Variants in PALM2AKAP2 observed in about 807,000 individuals in gnomAD.
PALM2AKAP2 encodes the protein PALM2 and AKAP2 fusion.
PALM2AKAP2 carries 37 observed loss-of-function variants against 71.5 expected under a neutral mutation model. The observed-to-expected ratio is 0.52, with a 90% CI of 0.40 to 0.68. The LOEUF (loss-of-function observed/expected upper bound fraction) is 0.68, where lower values mean the gene tolerates loss of function less well. Ranked by LOEUF, PALM2AKAP2 falls within the 30% of genes least tolerant of loss-of-function variation. The probability of loss-of-function intolerance (pLI) is 0.00; values close to 1 mark genes in which losing one functional copy is unlikely to be tolerated. For synonymous variants in PALM2AKAP2, 468 were observed against 478.8 expected, an observed-to-expected ratio of 0.98 and a Z score of 0.29; for missense variants, 1,224 against 1,191.8, an observed-to-expected ratio of 1.03 and a Z score of -0.40.
chr9:109,681,286 T>G (rs1827729031), intron 1 of PALM2AKAP2, among the ~76,000 whole-genome samples: 1 of 152,234 alleles, frequency 6.6e-6, no homozygotes, highest in Non-Finnish European at 1.5e-5. Flanking sequence ...AAGAGAGAGC[T>G]CTCATGAATT....
chr9:110,038,506 C>T (rs562989002), intron 7 of PALM2AKAP2, among the ~76,000 whole-genome samples: 2 of 152,110 alleles, frequency 1.3e-5, no homozygotes, highest in South Asian at 4.2e-4. Context: ...GGAGAAATGA[C>T]CACTGGGTTT....
chr9:110,152,353 C>T (rs1430149982), intron 2 of PALM2AKAP2, among the ~76,000 whole-genome samples: 2 of 152,172 alleles, frequency 1.3e-5, no homozygotes, highest in Non-Finnish European at 2.9e-5. Context: ...TGAATCATTA[C>T]AGGTGAATAA....
intron 1 of PALM2AKAP2, among the ~76,000 whole-genome samples, chr9:109,658,671 G>A (rs569937727): frequency 5.9e-5 from 9 of 152,220 alleles, no homozygotes; most frequent in Middle Eastern, 3.4e-3. Context: ...CATGGTGGAG[G>A]GCAAAAGGCA....
At chr9:109,752,126 G>A (rs1016766231) in intron 1 of PALM2AKAP2, among the ~76,000 whole-genome samples, 1 of 152,074 alleles carries the variant, frequency 6.6e-6, no homozygotes, top group Non-Finnish European at 1.5e-5. Flanking sequence ...CATATCTCTT[G>A]GTGGAGGTGG....
intron 1 of PALM2AKAP2, among the ~76,000 whole-genome samples, chr9:109,811,496 A>AT (rs1564159659): frequency 6.6e-6 from 1 of 152,192 alleles, no homozygotes; most frequent in African/African-American, 2.4e-5. Context: ...GTTAAAAAAA[A>AT]TAGTACATTT....
At chr9:109,706,616 T>C (rs528034485) in intron 1 of PALM2AKAP2, among the ~76,000 whole-genome samples, 1 of 152,324 alleles carries the variant, frequency 6.6e-6, no homozygotes, top group East Asian at 1.9e-4. Flanking sequence ...CAAATGTTCA[T>C]AGCAGCATTA....
intron 3 of PALM2AKAP2, among the ~76,000 whole-genome samples, chr9:109,897,397 T>A (rs1344076857): frequency 6.6e-6 from 1 of 152,046 alleles, no homozygotes; most frequent in South Asian, 2.1e-4. Flanking sequence ...CTGGCTAAGA[T>A]GGTGAAACCC....
Position 109,880,683 on chromosome 9 carries a change from T to C in PALM2AKAP2, c.257+2T>C, listed in dbSNP as rs1829826857. On this transcript the variant is annotated splice_donor_variant, in intron 3 of 9. Transcript: ENST00000302798. LOFTEE classifies it high-confidence loss of function. The stretch of plus-strand genomic sequence containing the variant: ...GCAACTTGAAGATAACATTCAGAGG[T>C]AGGTGGCTTCCAGCCCAGGGAACCC... The C allele has an allele frequency of 4.3e-6, 7 of 1,613,446 alleles. No individual in the cohort carries two copies. In the South Asian group the frequency reaches 7.7e-5, roughly 18 times the overall value.
chr9:109,936,086 G>A (rs1447048750), intron 6 of PALM2AKAP2, among the ~76,000 whole-genome samples: 6 of 152,076 alleles, frequency 3.9e-5, no homozygotes, highest in Non-Finnish European at 5.9e-5. Flanking sequence ...TTTGGGGGGA[G>A]TTACAATTTT....
At chr9:109,663,721 A>T (rs1240274053) in intron 1 of PALM2AKAP2, among the ~76,000 whole-genome samples, 2 of 152,188 alleles carry the variant, frequency 1.3e-5, no homozygotes, top group Non-Finnish European at 2.9e-5. Context: ...TGCAGAGCTG[A>T]GTTCAGGTCC....
Position 110,017,729 on chromosome 9 carries a change from C to CT in PALM2AKAP2, c.582+1707dup, listed in dbSNP as rs11344725. On this transcript the variant is annotated intron_variant, in intron 7 of 9. Coordinates refer to the PALM2AKAP2 transcript ENST00000302798. ...CTTTTATAAAGCAAACGGCATATTC[C>CT]TTTTTTTTTTTTTTTTTAAGACGGA... is the stretch of plus-strand genomic sequence containing the variant. Among the ~76,000 whole-genome samples the CT allele has an allele frequency of 8.7e-3, 374 of 42,768 alleles. 1 individual carries two copies. Among genetic ancestry groups the CT allele is most frequent in the Admixed American group, 0.02 (55 of 2,810 alleles). 28.1% of individuals were successfully genotyped at this position (42,768 alleles called of 152,430 possible). A position where few individuals can be genotyped will look rare whatever the true frequency, so the allele number is the denominator to read the frequency against.
At chr9:109,759,375 A>G (rs1269218558) in intron 1 of PALM2AKAP2, among the ~76,000 whole-genome samples, 1 of 152,118 alleles carries the variant, frequency 6.6e-6, no homozygotes, top group East Asian at 1.9e-4. Context: ...CAATTCCAGA[A>G]TCACCACAAA....
intron 6 of PALM2AKAP2, among the ~76,000 whole-genome samples, chr9:110,004,740 T>G (rs1385654488): frequency 6.6e-6 from 1 of 152,210 alleles, no homozygotes; most frequent in Non-Finnish European, 1.5e-5. Context: ...TTTTATTCTT[T>G]TTTCTCTAAA....
In PALM2AKAP2 at chr9:110,017,025, G is replaced by A. The variant is rs144435255; in HGVS notation, c.582+986G>A. On this transcript the variant is annotated intron_variant, in intron 7 of 9. Coordinates refer to the PALM2AKAP2 transcript ENST00000302798. Reference sequence around the variant, plus strand: ...CTCCTGAGTAGCTGGGACTACAGGCGCCAGCCACCGTGCCTGGCTAATTTT... The same window carrying A: ...CTCCTGAGTAGCTGGGACTACAGGCACCAGCCACCGTGCCTGGCTAATTTT... 9.2e-3 allele frequency among the ~76,000 whole-genome samples: 1,396 copies of A among 152,168 alleles called. 28 individuals carry two copies. Among genetic ancestry groups the A allele is most frequent in the African/African-American group, 0.032 (1,339 of 41,520 alleles).
intron 1 of PALM2AKAP2, among the ~76,000 whole-genome samples, chr9:110,106,865 A>G (rs1279066468): frequency 2.0e-5 from 3 of 152,196 alleles, no homozygotes; most frequent in Non-Finnish European, 2.9e-5. Context: ...GGAAATATTC[A>G]ATTCCAGCAA....
chr9:110,025,784 G>A (rs1243786633), intron 7 of PALM2AKAP2, among the ~76,000 whole-genome samples: 1 of 152,178 alleles, frequency 6.6e-6, no homozygotes, highest in East Asian at 1.9e-4. Context: ...TCTCCTGGTG[G>A]CTAACGACAC....
At chr9:109,938,965 G>A (rs983034672) in intron 6 of PALM2AKAP2, among the ~76,000 whole-genome samples, 24 of 152,076 alleles carry the variant, frequency 1.6e-4, no homozygotes, top group African/African-American at 5.6e-4. Context: ...GGAGGCAGAG[G>A]TTGCAGTGAG....
intron 1 of PALM2AKAP2, among the ~76,000 whole-genome samples, chr9:110,079,624 G>A (rs2118680770): frequency 6.6e-6 from 1 of 152,250 alleles, no homozygotes; most frequent in South Asian, 2.1e-4. Flanking sequence ...CAATGACCAG[G>A]GCAGAGGTAT....
chr9:109,680,914 A>G (rs1171496070), intron 1 of PALM2AKAP2, among the ~76,000 whole-genome samples: 2 of 152,212 alleles, frequency 1.3e-5, no homozygotes, highest in Admixed American at 1.3e-4. Flanking sequence ...TTACTATCCA[A>G]GTTCATAGAT....
Sources: allele counts gnomAD v4.1 joint callset (sites outside exome capture counted in the v4.1 genomes callset), GRCh38; gene constraint gnomAD v4.1.1; transcripts MANE v1.5; gene names NCBI Gene and HGNC (gene_info 2026-07-23, HGNC 2026-07-21).